Variants in STYXL1 observed in about 807,000 individuals in gnomAD.
The protein encoded by STYXL1 is serine/threonine/tyrosine-interacting-like protein 1.
In STYXL1, 32 loss-of-function variants were observed where a neutral mutation model predicts 36.4. That is an observed-to-expected ratio of 0.88 (90% CI 0.66 to 1.18). STYXL1 has a LOEUF of 1.18. STYXL1 is among the 50% of genes most tolerant of loss of function. The probability of loss-of-function intolerance (pLI) is 0.00; values close to 1 mark genes in which losing one functional copy is unlikely to be tolerated. For missense variants in STYXL1, 354 were observed against 394.1 expected (o/e 0.90, Z 0.86); for synonymous variants, 133 against 144.1 (o/e 0.92, Z 0.55).
chr7:76,016,190 G>A (rs1422130716), intron 4 of STYXL1, among the ~76,000 whole-genome samples: 3 of 151,168 alleles, frequency 2.0e-5, no homozygotes, highest in African/African-American at 7.3e-5. Flanking sequence ...ATAGATATAT[G>A]TATATCTATA....
chr7:76,029,399 G>A lies in STYXL1; in HGVS notation c.104-696C>T, dbSNP rs912782829. On this transcript the variant is annotated intron_variant, in intron 2 of 8. Transcript: ENST00000359697. ...TGACCTCAGTTGATCCGCCCACCTC[G>A]GCCTCCCAAAACACTGGGATTACAG... 2.1e-3 allele frequency among the ~76,000 whole-genome samples: 321 copies of A among 151,732 alleles called. 4 individuals carry two copies. Among genetic ancestry groups the A allele is most frequent in the Non-Finnish European group, 3.2e-3 (218 of 67,896 alleles).
intron 5 of STYXL1, among the ~76,000 whole-genome samples, chr7:76,008,327 C>T (rs1554571125): frequency 6.6e-6 from 1 of 151,784 alleles, no homozygotes; most frequent in East Asian, 1.9e-4. Flanking sequence ...CATTATTACA[C>T]CACAGAAAAT....
In STYXL1 at chr7:76,032,391, C is replaced by A. The variant is rs1370617485; in HGVS notation, c.-4-1864G>T. Among the ~76,000 whole-genome samples the A allele has an allele frequency of 4.5e-5, 4 of 89,582 alleles. No individual in the cohort carries two copies. The Admixed American group carries it at 4.5e-4, about 10-fold the overall frequency. The allele number at this position is 89,582 out of a possible 152,430, so 58.8% of individuals were successfully genotyped here. A position where few individuals can be genotyped will look rare whatever the true frequency, so the allele number is the denominator to read the frequency against. On this transcript the variant is annotated intron_variant, in intron 1 of 8. Coordinates refer to ENST00000359697, the MANE Select transcript of STYXL1 (RefSeq NM_001317785.2). Reference sequence around the variant, plus strand: ...TCCCGTCTGGGCAACAGAGTGAGACCCTGTCTTGAAAAAAAAAAAAAAAGA... The same window carrying A: ...TCCCGTCTGGGCAACAGAGTGAGACACTGTCTTGAAAAAAAAAAAAAAAGA...
intron 1 of STYXL1, among the ~76,000 whole-genome samples, chr7:76,047,399 C>G: frequency 6.6e-6 from 1 of 152,226 alleles, no homozygotes; most frequent in East Asian, 1.9e-4. Context: ...AACAGTGGGA[C>G]CGTCAGAGCA....
Position 76,005,264 on chromosome 7 carries a change from C to A in STYXL1, c.594G>T (p.Gly198=). ...KAHVNVSMDT[G]PFFAGDADKL... ...AGTAGTTTCTCTTTACTTACAAGGG[C>A]CCTGTATCCATGGAGACATTGACAT... is the stretch of plus-strand genomic sequence containing the variant. The change falls in exon 6 of 9, where the codon GGG becomes GGT. Residue 198 remains glycine (G), a synonymous_variant. Transcript: ENST00000359697. The A allele has an allele frequency of 6.4e-7, 1 of 1,572,306 alleles. No homozygotes were observed. Among genetic ancestry groups the A allele is most frequent in the African/African-American group, 1.3e-5 (1 of 74,444 alleles).
chr7:76,000,722 C>G (rs1387742717), intron 8 of STYXL1, among the ~76,000 whole-genome samples, 168 bp downstream of exon 8: 1 of 152,240 alleles, frequency 6.6e-6, no homozygotes, highest in Non-Finnish European at 1.5e-5. Flanking sequence ...GCATGCAACA[C>G]TGGGGCCTTG....
intron 3 of STYXL1, among the ~76,000 whole-genome samples, chr7:76,023,961 C>T (rs1343985144): frequency 1.3e-5 from 2 of 152,090 alleles, no homozygotes; most frequent in African/African-American, 2.4e-5. Context: ...TGCAGTGAGC[C>T]GAGATCGCGT....
chr7:76,046,320 GTGTGTGTGTGTGTGTGTGTGCGCGCGC>G, intron 1 of STYXL1, among the ~76,000 whole-genome samples: 1 of 49,612 alleles, frequency 2.0e-5, no homozygotes, highest in Non-Finnish European at 4.5e-5. Flanking sequence ...GTGTGTGTGT[GTGTGTGTGTGTGTGTGTGTGCGCGCGC>G]GCGCGCGCGC....
chr7:76,005,879 G>GA lies in STYXL1; in HGVS notation c.454-476dup, dbSNP rs1287119526. ...AGGAGAGAGGAGGAAGAGAGAGGAG[G>GA]AGAGAGGAGGAGGAGGAGGAGAGAG... On this transcript the variant is annotated intron_variant, in intron 5 of 8. Transcript: ENST00000359697. Among the ~76,000 whole-genome samples the GA allele has an allele frequency of 1.2e-3, 139 of 111,398 alleles. 1 individual carries two copies. Among genetic ancestry groups the GA allele is most frequent in the African/African-American group, 3.3e-3 (109 of 33,158 alleles). The allele number at this position is 111,398 out of a possible 152,430, so 73.1% of individuals were successfully genotyped here. A position where few individuals can be genotyped will look rare whatever the true frequency, so the allele number is the denominator to read the frequency against.
chr7:76,000,584 A>G, intron 8 of STYXL1: 1 of 507,570 alleles, frequency 2.0e-6, no homozygotes, highest in South Asian at 1.5e-5. Context: ...CTGGGACTCC[A>G]AGCAGTTCTC....
chr7:76,003,958 G>A, intron 6 of STYXL1, 103 bp from the exon 7 acceptor site: 1 of 997,740 alleles, frequency 1.0e-6, no homozygotes, highest in Non-Finnish European at 1.5e-6. Flanking sequence ...AGGACGCTGA[G>A]CTTGTGTAAG....
chr7:76,032,182 TG>T (rs1344040957), intron 1 of STYXL1, among the ~76,000 whole-genome samples: 17 of 150,758 alleles, frequency 1.1e-4, no homozygotes, highest in Admixed American at 5.3e-4. Flanking sequence ...TGCTTGAGGC[TG>T]GGGGTTCAAG....
At chr7:76,022,120 G>A in intron 3 of STYXL1, 128 bp from the exon 4 acceptor site, 1 of 1,475,638 alleles carries the variant, frequency 6.8e-7, no homozygotes, top group South Asian at 1.4e-5. Context: ...TATACACACA[G>A]GCCCAGAAGC....
chr7:76,013,413 T>TTTTTTGTTTGTTTTTGTTTTTG lies in STYXL1; in HGVS notation c.453+307_453+328dup, dbSNP rs1563480479. 1.1e-4 allele frequency among the ~76,000 whole-genome samples: 16 copies of TTTTTTGTTTGTTTTTGTTTTTG among 151,692 alleles called. No individual in the cohort carries two copies. In the South Asian group the frequency reaches 3.1e-3, roughly 30 times the overall value. ...CTGCCAGGAGTCCAGATCTAGTTTT[T>TTTTTTGTTTGTTTTTGTTTTTG]TTTTTGTTTGTTTTTGTTTTTGTTT... On this transcript the variant is annotated intron_variant, in intron 5 of 8. Transcript: ENST00000359697.
chr7:76,028,944 C>T (rs936154274), intron 2 of STYXL1, among the ~76,000 whole-genome samples: 4 of 151,874 alleles, frequency 2.6e-5, no homozygotes, highest in South Asian at 2.1e-4. Flanking sequence ...GCCAACACGG[C>T]GAAATCCCAT....
In STYXL1 at chr7:76,036,847, C is replaced by T. The variant is rs868952226; in HGVS notation, c.-4-6320G>A. Among the ~76,000 whole-genome samples, 2 of 127,812 alleles carry T rather than the reference C, an allele frequency of 1.6e-5. 1 individual carries two copies. Among genetic ancestry groups the T allele is most frequent in the Non-Finnish European group, 3.3e-5 (2 of 60,150 alleles). 83.8% of individuals were successfully genotyped at this position (127,812 alleles called of 152,430 possible). ...TTGCCCAGGCTGGAGTGCAGTGGTG[C>T]GATCTCTGCTCACTGCAACCTCCGC... On this transcript the variant is annotated intron_variant, in intron 1 of 8. Coordinates refer to ENST00000359697, the MANE Select transcript of STYXL1 (RefSeq NM_001317785.2).
Position 76,021,835 on chromosome 7 carries a change from G to C in STYXL1, c.307+16C>G. The C allele has an allele frequency of 3.2e-6, 5 of 1,579,364 alleles. No homozygotes were observed. The highest frequency in any genetic ancestry group is 4.3e-6 in the Non-Finnish European group (5 of 1,150,230). The stretch of plus-strand genomic sequence containing the variant: ...GCCGTTAACTATTATTCTTGCTGCT[G>C]TTGCATAAAACCCACCTTTGCCATC... On this transcript the variant is annotated intron_variant, in intron 4 of 8. Coordinates refer to ENST00000359697, the MANE Select transcript of STYXL1 (RefSeq NM_001317785.2).
At chr7:76,023,177 C>G (rs562081756) in intron 3 of STYXL1, among the ~76,000 whole-genome samples, 13 of 152,224 alleles carry the variant, frequency 8.5e-5, no homozygotes, top group Admixed American at 4.6e-4. Context: ...CTCCACCCCT[C>G]CACACTGACT....
intron 1 of STYXL1, among the ~76,000 whole-genome samples, chr7:76,039,488 C>A (rs139966130): frequency 4.2e-4 from 64 of 152,234 alleles, no homozygotes; most frequent in African/African-American, 1.5e-3. Flanking sequence ...GGTCACAACA[C>A]CCCCAGAGCT....
Sources: allele counts gnomAD v4.1 joint callset (sites outside exome capture counted in the v4.1 genomes callset), GRCh38; gene constraint gnomAD v4.1.1; transcripts MANE v1.5; gene names NCBI Gene and HGNC (gene_info 2026-07-23, HGNC 2026-07-21).